The following IL34 variants were observed in gnomAD, a reference collection of about 807,000 sequenced individuals.
IL34 encodes interleukin-34.
In IL34, 17 loss-of-function variants were observed where a neutral mutation model predicts 25.3. That is an observed-to-expected ratio of 0.67 (90% confidence interval 0.46 to 1.01). The LOEUF (loss-of-function observed/expected upper bound fraction) is 1.01, where lower values mean the gene tolerates loss of function less well. Ranked by LOEUF, IL34 falls within the 50% of genes least tolerant of loss-of-function variation. The pLI is 0.00. For missense variants in IL34, 368 were observed against 312.9 expected (o/e 1.18, Z -1.33); for synonymous variants, 174 against 140.9 (o/e 1.23, Z -1.66).
At chr16:70,644,001 A>T (rs982633966), upstream of IL34, among the ~76,000 whole-genome samples, 1 of 152,114 alleles carries the variant, frequency 6.6e-6, no homozygotes, top group Non-Finnish European at 1.5e-5. Context: ...TTGAGACAGA[A>T]TCTCGCTCTG....
In IL34 at chr16:70,598,963, G is replaced by A. The variant is rs560574392; in HGVS notation, c.-401+18914G>A. On this transcript the variant is annotated intron_variant, in intron 1 of 6. Coordinates refer to the IL34 transcript ENST00000429149. ...TACATTAAAGTAGAATCACATCAAG[G>A]TTGAGTGTAAGAGTCCATCCGGTTA... Among the ~76,000 whole-genome samples, 7 of 152,256 alleles carry A rather than the reference G, an allele frequency of 4.6e-5. No homozygotes were observed. In the East Asian group the frequency reaches 7.7e-4, roughly 17 times the overall value.
intron 1 of IL34, among the ~76,000 whole-genome samples, chr16:70,583,980 T>C (rs1327694444): frequency 2.6e-5 from 4 of 152,246 alleles, no homozygotes; most frequent in African/African-American, 7.2e-5. Context: ...TACAGCTCTT[T>C]CCTTCCAGGG....
intron 1 of IL34, among the ~76,000 whole-genome samples, chr16:70,648,266 G>A (rs926302937): frequency 1.3e-5 from 2 of 152,222 alleles, no homozygotes; most frequent in African/African-American, 4.8e-5. Flanking sequence ...GCGAATGAAA[G>A]GCAAGGGATG....
chr16:70,644,944 AAGG>A (rs745682304), upstream of IL34, among the ~76,000 whole-genome samples: 767 of 83,372 alleles, frequency 9.2e-3, 9 homozygotes, highest in African/African-American at 0.051. Context: ...GAAGAGGAGG[AAGG>A]AGGAAGAGGA....
At chr16:70,618,335 G>A (rs952827208) in intron 1 of IL34, among the ~76,000 whole-genome samples, 1 of 151,940 alleles carries the variant, frequency 6.6e-6, no homozygotes, top group East Asian at 1.9e-4. Flanking sequence ...GGTCAGGTGT[G>A]GTATCAGGAA....
At chr16:70,645,560 C>T (rs1051202152), upstream of IL34, among the ~76,000 whole-genome samples, 3 of 152,180 alleles carry the variant, frequency 2.0e-5, no homozygotes, top group Non-Finnish European at 2.9e-5. Context: ...GGGAGGACCA[C>T]GCACACACGC....
intron 1 of IL34, among the ~76,000 whole-genome samples, chr16:70,653,526 A>G (rs2052133967): frequency 6.6e-6 from 1 of 152,042 alleles, no homozygotes; most frequent in Non-Finnish European, 1.5e-5. Flanking sequence ...TGGCGATACC[A>G]GGTCTCTACA....
At position 70,624,203 on chromosome 16, in the gene IL34, C is replaced by A. The variant is rs569439449; in HGVS notation, c.-400-22345C>A. ...CGGCTTAGGAGGAATCCCGGGCTGC[C>A]GGCATTCCTTGGCCCAGTGGCCAGA... On this transcript the variant is annotated intron_variant, in intron 1 of 6. Coordinates refer to the IL34 transcript ENST00000429149. Among the ~76,000 whole-genome samples the A allele has an allele frequency of 3.2e-3, 490 of 151,720 alleles. 2 individuals are homozygous for A. Among genetic ancestry groups the A allele is most frequent in the African/African-American group, 0.011 (448 of 41,144 alleles).
At chr16:70,617,072 G>A (rs2051184271) in intron 1 of IL34, among the ~76,000 whole-genome samples, 1 of 152,138 alleles carries the variant, frequency 6.6e-6, no homozygotes, top group South Asian at 2.1e-4. Flanking sequence ...GAGTGGGAGA[G>A]ATTAAGCTGA....
intron 1 of IL34, among the ~76,000 whole-genome samples, chr16:70,593,404 A>T (rs1057375851): frequency 1.3e-5 from 2 of 152,154 alleles, no homozygotes; most frequent in African/African-American, 4.8e-5. Context: ...TAGAAGTTTT[A>T]TAGTTTTGCA....
chr16:70,636,502 C>G (rs71384768), intron 1 of IL34, among the ~76,000 whole-genome samples: 2 of 151,746 alleles, frequency 1.3e-5, no homozygotes, highest in African/African-American at 2.4e-5. Flanking sequence ...GACATAGTGT[C>G]GTGGCTCATG....
At chr16:70,620,508 C>G (rs561744185) in intron 1 of IL34, among the ~76,000 whole-genome samples, 3 of 151,350 alleles carry the variant, frequency 2.0e-5, no homozygotes, top group African/African-American at 4.9e-5. Flanking sequence ...CTCAGCCTGG[C>G]GAGGAGGGGA....
chr16:70,623,995 G>A (rs988640607), intron 1 of IL34, among the ~76,000 whole-genome samples: 10 of 149,336 alleles, frequency 6.7e-5, no homozygotes, highest in African/African-American at 2.5e-4. Context: ...AGAGTTACTC[G>A]AAGCTCGGCG....
chr16:70,648,075 C>G (rs1437906674), intron 1 of IL34, among the ~76,000 whole-genome samples: 1 of 152,148 alleles, frequency 6.6e-6, no homozygotes, highest in East Asian at 1.9e-4. Flanking sequence ...GCCTTGAGAG[C>G]CAAGCAAAGT....
intron 1 of IL34, among the ~76,000 whole-genome samples, chr16:70,581,164 G>A (rs1355126517): frequency 1.4e-4 from 22 of 152,102 alleles, no homozygotes; most frequent in Admixed American, 7.2e-4. Context: ...CACCCACCTC[G>A]GCCTCCCAAA....
intron 1 of IL34, among the ~76,000 whole-genome samples, chr16:70,581,400 C>CTTT (rs756338626): frequency 1.4e-5 from 2 of 141,562 alleles, no homozygotes; most frequent in African/African-American, 2.6e-5. Flanking sequence ...GTGGAAATAA[C>CTTT]TTTTTTTTTT....
At chr16:70,604,787 C>T (rs1352448450) in intron 1 of IL34, among the ~76,000 whole-genome samples, 1 of 152,218 alleles carries the variant, frequency 6.6e-6, no homozygotes, top group Non-Finnish European at 1.5e-5. Context: ...TTCCAGTAGG[C>T]TAAAGGAAGA....
intron 1 of IL34, among the ~76,000 whole-genome samples, chr16:70,653,758 G>T (rs1030788648): frequency 4.6e-5 from 7 of 152,134 alleles, no homozygotes; most frequent in Admixed American, 2.0e-4. Flanking sequence ...CTGATATTTT[G>T]GGTAGTTGCT....
intron 1 of IL34, among the ~76,000 whole-genome samples, chr16:70,618,018 C>G (rs1240164103): frequency 6.6e-6 from 1 of 152,180 alleles, no homozygotes; most frequent in African/African-American, 2.4e-5. Flanking sequence ...GGGGCAAATC[C>G]TCCAGCTTGA....
Sources: gnomAD v4.1 joint callset for allele counts (sites outside exome capture counted in the v4.1 genomes callset) on GRCh38, gnomAD v4.1.1 for gene constraint, MANE v1.5 for transcripts, NCBI Gene and HGNC (gene_info 2026-07-23, HGNC 2026-07-21) for gene names.